Variants in ASPHD1 observed in about 807,000 individuals in gnomAD.
ASPHD1 encodes the protein aspartate beta-hydroxylase domain-containing protein 1.
In ASPHD1, 20 loss-of-function variants were observed where a neutral mutation model predicts 28.3. The observed-to-expected ratio is 0.71, with a 90% CI of 0.50 to 1.03. The LOEUF (loss-of-function observed/expected upper bound fraction) is 1.03, where lower values mean the gene tolerates loss of function less well. Among genes scored for constraint, ASPHD1 ranks in the 50% least tolerant of loss-of-function variants. The pLI is 0.00. For missense variants in ASPHD1, 479 were observed against 524.1 expected (o/e 0.91, Z 0.84); for synonymous variants, 240 against 221.2 (o/e 1.08, Z -0.75).
intron 3 of ASPHD1, chr16:29,914,214 A>T (rs2068768164): frequency 6.6e-6 from 1 of 152,174 alleles, no homozygotes; most frequent in African/African-American, 2.4e-5. Flanking sequence ...CCAGGGGACG[A>T]GAATCATCAG....
rs200587819 is a variant in ASPHD1 at position 29,901,366 on chromosome 16, G to A, written c.395G>A (p.Gly132Asp). The change falls in exon 1 of 3, where the codon GGT (glycine) becomes GAT (aspartate). Residue 132 changes from glycine (G) to aspartate (D), a missense_variant. Gly to Asp is a moderately conservative substitution (Grantham distance 94, BLOSUM62 -1). Transcript: ENST00000308748. The surrounding 1 kb of genome is among the most constrained non-coding windows in gnomAD (Gnocchi z 5.1). Reference protein sequence around the residue: ...CSEAGGPSPGGPGDPGEGPRT... With the variant: ...CSEAGGPSPGDPGDPGEGPRT... ...GAGGCCGGCGGGCCAAGCCCAGGGG[G>A]TCCTGGGGATCCCGGGGAAGGACCT... The A allele has an allele frequency of 6.3e-7, 1 of 1,595,074 alleles. No homozygotes were observed. The highest frequency in any genetic ancestry group is 1.3e-5 in the African/African-American group (1 of 74,322).
At chr16:29,912,164 G>A (rs1268747163) in intron 3 of ASPHD1, 2 of 710,066 alleles carry the variant, frequency 2.8e-6, no homozygotes, top group Non-Finnish European at 4.9e-6. Context: ...GGTCCGCAGG[G>A]CTCTGCAGGC....
downstream of ASPHD1, among the ~76,000 whole-genome samples, chr16:29,908,146 C>A (rs1169677205): frequency 1.3e-5 from 2 of 151,942 alleles, no homozygotes; most frequent in African/African-American, 4.8e-5. Context: ...GGGGAGGGGA[C>A]AAGGCACACA....
chr16:29,902,722 AG>A (rs1182637456), intron 1 of ASPHD1, among the ~76,000 whole-genome samples: 2 of 151,746 alleles, frequency 1.3e-5, no homozygotes, highest in African/African-American at 4.8e-5. Flanking sequence ...TCACCATGTT[AG>A]CCAGGATGGT....
intron 1 of ASPHD1, 23 bp from the exon 2 acceptor site, chr16:29,904,829 G>C (rs2068586554): frequency 6.4e-7 from 1 of 1,564,922 alleles, no homozygotes; most frequent in Admixed American, 1.8e-5. Flanking sequence ...AGGAGTGCTG[G>C]ATGCCCGCGT....
At chr16:29,915,982 C>T (rs1002270795) in intron 3 of ASPHD1, among the ~76,000 whole-genome samples, 6 of 151,770 alleles carry the variant, frequency 4.0e-5, no homozygotes, top group African/African-American at 1.5e-4. Context: ...CTTTAACTTA[C>T]TCTCTCCTCT....
chr16:29,910,397 A>AAATAAT (rs142518050), downstream of ASPHD1, among the ~76,000 whole-genome samples: 5 of 151,250 alleles, frequency 3.3e-5, no homozygotes, highest in African/African-American at 9.7e-5. Flanking sequence ...ACTCCATCTC[A>AAATAAT]AATAATAATA....
chr16:29,918,994 A>G (rs925458317), intron 3 of ASPHD1, among the ~76,000 whole-genome samples: 1 of 152,146 alleles, frequency 6.6e-6, no homozygotes, highest in African/African-American at 2.4e-5. Context: ...GGGTTTCACC[A>G]TGCTGACCAG....
intron 3 of ASPHD1, chr16:29,913,461 A>G (rs1449401632): frequency 6.6e-6 from 1 of 152,234 alleles, no homozygotes; most frequent in African/African-American, 2.4e-5. Context: ...CGGAGTATGA[A>G]TTCGTTATCT....
At chr16:29,916,490 T>G (rs1017856658) in intron 3 of ASPHD1, among the ~76,000 whole-genome samples, 3 of 152,230 alleles carry the variant, frequency 2.0e-5, no homozygotes, top group Non-Finnish European at 4.4e-5. Context: ...CATTTGAGGT[T>G]TCTGTTATGG....
At chr16:29,909,159 C>T (rs1249577783), downstream of ASPHD1, among the ~76,000 whole-genome samples, 1 of 152,168 alleles carries the variant, frequency 6.6e-6, no homozygotes, top group African/African-American at 2.4e-5. Flanking sequence ...CCTCAAGGAA[C>T]TAACACCTCG....
chr16:29,912,042 C>CT, intron 3 of ASPHD1: 4 of 1,604,298 alleles, frequency 2.5e-6, no homozygotes, highest in Non-Finnish European at 1.7e-6. Context: ...CAGCGTCTCC[C>CT]TTTTTTGCTG....
In ASPHD1 at chr16:29,901,306, C is replaced by T. The variant is rs755392540; in HGVS notation, c.335C>T (p.Ala112Val). Residue 112 changes from alanine (A) to valine (V), a missense_variant, in exon 1 of 3, where the codon GCT becomes GTT. Coordinates refer to ENST00000308748, the MANE Select transcript of ASPHD1 (RefSeq NM_181718.4). This position sits in a 1 kb window ranked among gnomAD's most constrained non-coding sequence, Gnocchi z 5.1. ...CAGGCCCTAGGGGCTGGGAGCCGAG[C>T]TGGGGGTGTTCGTGGTGGGCCTGTG... ...DMQALGAGSRAGGVRGGPVGC... is the reference protein window; with the variant it reads ...DMQALGAGSRVGGVRGGPVGC... 7 of 1,611,260 alleles carry T rather than the reference C, an allele frequency of 4.3e-6. No individual in the cohort carries two copies. The South Asian group carries it at 6.6e-5, about 15-fold the overall frequency.
rs1381562459 is a variant in ASPHD1, at chr16:29,901,724, G to A, written c.753G>A (p.Gln251=). ...CACCTCTGGCCCCCGGGTGCTACCA[G>A]CTCCTGCTGTACCAAGCAGGCCGGT... ...WSPPLAPGCY[Q]LLLYQAGRCQ... The change falls in exon 1 of 3, where the codon CAG becomes CAA. Residue 251 remains glutamine (Q), a synonymous_variant. Transcript: ENST00000308748. The surrounding 1 kb of genome is among the most constrained non-coding windows in gnomAD (Gnocchi z 5.1). The A allele has an allele frequency of 4.5e-6, 7 of 1,568,114 alleles. No homozygotes were observed. Among genetic ancestry groups the A allele is most frequent in the East Asian group, 4.5e-5 (2 of 44,512 alleles).
chr16:29,906,550 T>C, downstream of ASPHD1: 1 of 499,076 alleles, frequency 2.0e-6, no homozygotes, highest in East Asian at 5.5e-5. Flanking sequence ...GCCGCACACT[T>C]TGGCATGGAC....
intron 3 of ASPHD1, chr16:29,919,457 T>A (rs769276140): frequency 6.6e-6 from 1 of 152,234 alleles, no homozygotes; most frequent in Non-Finnish European, 1.5e-5. Context: ...AGAATACCTA[T>A]AACTCTTATC....
chr16:29,912,632 G>T (rs979562587), intron 3 of ASPHD1, among the ~76,000 whole-genome samples: 3 of 152,104 alleles, frequency 2.0e-5, no homozygotes, highest in Non-Finnish European at 2.9e-5. Context: ...TAGAGACGAG[G>T]TTTCTCCATG....
At chr16:29,912,464 CAG>C (rs1332991346) in intron 3 of ASPHD1, 3 of 225,142 alleles carry the variant, frequency 1.3e-5, no homozygotes, top group East Asian at 1.7e-4. Flanking sequence ...TTTTTTGAGA[CAG>C]AGTTTCGCTT....
In ASPHD1 at chr16:29,901,900, C is replaced by A; in HGVS notation, c.929C>A (p.Ala310Asp). 6.6e-7 allele frequency: 1 copy of A among 1,506,614 alleles called. No individual in the cohort carries two copies. The highest frequency in any genetic ancestry group is 8.8e-7 in the Non-Finnish European group (1 of 1,131,498). The allele number at this position is 1,506,614 out of a possible 1,614,324, so 93.3% of individuals were successfully genotyped here. ...RLEGRCGPTN[A>D]RVRCHLGLKI... ...GAGGGCCGCTGTGGGCCCACCAATG[C>A]CCGGGTCAGATGCCATCTGGGTAAG... The change falls in exon 1 of 3, where the codon GCC (alanine) becomes GAC (aspartate). Residue 310 changes from alanine (A) to aspartate (D), a missense_variant. Coordinates refer to ENST00000308748, the MANE Select transcript of ASPHD1 (RefSeq NM_181718.4). The surrounding 1 kb of genome is among the most constrained non-coding windows in gnomAD (Gnocchi z 5.1).
Sources: gnomAD v4.1 joint callset for allele counts (sites outside exome capture counted in the v4.1 genomes callset) on GRCh38, gnomAD v4.1.1 for gene constraint, Gnocchi (gnomAD v3.1) non-coding constraint, MANE v1.5 for transcripts, NCBI Gene and HGNC (gene_info 2026-07-23, HGNC 2026-07-21) for gene names.